The following FOXP2 variants were observed in gnomAD, a reference collection of about 807,000 sequenced individuals.
FOXP2 encodes the protein forkhead box protein P2.
In FOXP2, 12 loss-of-function variants were observed where a neutral mutation model predicts 115.8. The ratio of observed to expected loss-of-function variants is 0.10; its 90% CI spans 0.07 to 0.17. The LOEUF is 0.17. Among genes scored for constraint, FOXP2 ranks in the 10% least tolerant of loss-of-function variants. The pLI is 1.00. For synonymous variants in FOXP2, 328 were observed against 297.7 expected (o/e 1.10, Z -1.05); for missense variants, 629 against 843.5 (o/e 0.75, Z 3.15).
intron 2 of FOXP2, among the ~76,000 whole-genome samples, chr7:114,443,014 G>A (rs1302954715): frequency 2.6e-5 from 4 of 152,242 alleles, no homozygotes; most frequent in Admixed American, 2.0e-4. Context: ...GCAAAGAACT[G>A]CCTTTATGGT....
chr7:114,555,439 G>A (rs1453246884), intron 3 of FOXP2, among the ~76,000 whole-genome samples: 1 of 152,156 alleles, frequency 6.6e-6, no homozygotes, highest in African/African-American at 2.4e-5. Context: ...TATTACATGT[G>A]AATATTATCT....
intron 2 of FOXP2, among the ~76,000 whole-genome samples, chr7:114,335,573 T>TG (rs1394860435): frequency 6.6e-6 from 1 of 151,870 alleles, no homozygotes; most frequent in Non-Finnish European, 1.5e-5. Flanking sequence ...GTGGCAAATA[T>TG]GACCATTTGC....
chr7:114,202,691 G>GT, intron 1 of FOXP2, among the ~76,000 whole-genome samples: 1 of 152,244 alleles, frequency 6.6e-6, no homozygotes, highest in Admixed American at 6.5e-5. Flanking sequence ...ATGCCTTTGT[G>GT]CTAAGAGGTC....
At chr7:114,520,674 A>G (rs1798578942) in intron 2 of FOXP2, among the ~76,000 whole-genome samples, 1 of 152,150 alleles carries the variant, frequency 6.6e-6, no homozygotes, top group African/African-American at 2.4e-5. Flanking sequence ...ATAGATAGAC[A>G]GATATTAGAT....
intron 1 of FOXP2, among the ~76,000 whole-genome samples, chr7:114,220,737 A>G (rs1466545141): frequency 1.3e-5 from 2 of 152,218 alleles, no homozygotes; most frequent in Admixed American, 1.3e-4. Flanking sequence ...CTATTACCAT[A>G]TAATAATAGA....
Position 114,313,955 on chromosome 7 carries a change from G to C in FOXP2, c.-11+25846G>C, listed in dbSNP as rs541380003. Among the ~76,000 whole-genome samples, 487 of 151,686 alleles carry C rather than the reference G, an allele frequency of 3.2e-3. 4 individuals carry two copies. The highest frequency in any genetic ancestry group is 0.011 in the African/African-American group (468 of 41,440). On this transcript the variant is annotated intron_variant, in intron 2 of 17. Coordinates refer to the FOXP2 transcript ENST00000634411. ...AAACTGAAAGTCTGGCTCCATTAGT[G>C]GTTTATACATTAATTTAGTGGATTG...
intron 1 of FOXP2, among the ~76,000 whole-genome samples, chr7:114,091,559 C>T (rs545641214): frequency 1.3e-5 from 2 of 151,878 alleles, no homozygotes; most frequent in South Asian, 4.1e-4. Flanking sequence ...ATTTGCCTAC[C>T]AGCCAACTTA....
intron 1 of FOXP2, among the ~76,000 whole-genome samples, chr7:114,206,086 A>C (rs1363618064): frequency 1.3e-5 from 2 of 152,004 alleles, no homozygotes; most frequent in Admixed American, 1.3e-4. Context: ...GGTCCAAACC[A>C]CCCGTCTTTC....
intron 16 of FOXP2, among the ~76,000 whole-genome samples, chr7:114,672,358 G>T (rs964919478): frequency 6.6e-6 from 1 of 152,184 alleles, no homozygotes; most frequent in African/African-American, 2.4e-5. Context: ...GCCGAGGTGG[G>T]CAGATCACCT....
chr7:114,445,178 T>C (rs1466628231), intron 2 of FOXP2, among the ~76,000 whole-genome samples: 3 of 152,182 alleles, frequency 2.0e-5, no homozygotes, highest in Non-Finnish European at 4.4e-5. Flanking sequence ...GGGGATCAGA[T>C]ACTATTTATC....
At chr7:114,606,516 C>G (rs1563029525) in intron 3 of FOXP2, among the ~76,000 whole-genome samples, 1 of 152,162 alleles carries the variant, frequency 6.6e-6, no homozygotes, top group Non-Finnish European at 1.5e-5. Context: ...AGGTATGTCA[C>G]AATGAGAAAA....
intron 1 of FOXP2, among the ~76,000 whole-genome samples, chr7:114,121,641 A>G (rs1212385569): frequency 2.0e-5 from 3 of 152,124 alleles, no homozygotes; most frequent in African/African-American, 7.2e-5. Flanking sequence ...TGAATGTCAC[A>G]TAACTGAAAC....
At chr7:114,288,932 C>T (rs941917381) in intron 2 of FOXP2, among the ~76,000 whole-genome samples, 5 of 151,788 alleles carry the variant, frequency 3.3e-5, no homozygotes, top group African/African-American at 9.6e-5. Flanking sequence ...CCAAAATGCC[C>T]GGGCTTCTTC....
chr7:114,426,561 A>T lies in FOXP2; in HGVS notation c.50A>T (p.Gln17Leu), dbSNP rs201649896. ...TETISNSSMNQNGMSTLSSQL... is the reference protein window; with the variant it reads ...TETISNSSMNLNGMSTLSSQL... ...ACAATAAGCAACAGTTCAATGAATC[A>T]AAATGGAATGAGCACTCTAAGCAGC... Residue 17 changes from glutamine to leucine, a missense_variant, in exon 2 of 17, where the codon CAA becomes CTA. Gln to Leu is a moderately radical substitution (Grantham distance 113). Around this residue, in one of 9 missense-constraint regions of FOXP2, gnomAD observed 91 missense variants for 98.3 expected, o/e 0.93. Coordinates refer to ENST00000350908, the MANE Select transcript of FOXP2 (RefSeq NM_014491.4). 3.1e-4 allele frequency: 505 copies of T among 1,611,446 alleles called. 2 individuals are homozygous for T. Among genetic ancestry groups the T allele is most frequent in the Non-Finnish European group, 2.9e-4 (345 of 1,178,342 alleles).
At chr7:114,243,262 G>GAAAAAA (rs61609626) in intron 1 of FOXP2, among the ~76,000 whole-genome samples, 1 of 107,062 alleles carries the variant, frequency 9.3e-6, no homozygotes, top group Non-Finnish European at 2.0e-5. Context: ...CCATGAGCCA[G>GAAAAAA]AAAAAAAAAA....
At chr7:114,369,083 A>G (rs1166431730) in intron 2 of FOXP2, among the ~76,000 whole-genome samples, 1 of 152,186 alleles carries the variant, frequency 6.6e-6, no homozygotes, top group Non-Finnish European at 1.5e-5. Context: ...AAACTCAGCC[A>G]GGGTTGTCTA....
rs375386816 is a variant in FOXP2 at position 114,474,542 on chromosome 7, T to A, written c.168+47863T>A. Among the ~76,000 whole-genome samples the A allele has an allele frequency of 3.3e-5, 5 of 152,306 alleles. No individual in the cohort carries two copies. The East Asian group carries it at 9.6e-4, about 29-fold the overall frequency. ...AACTCAGGCTCTGATTTATTTTTAT[T>A]GATTTTAAATAAACTGAAGCTTACA... On this transcript the variant is annotated intron_variant, in intron 2 of 16. Transcript: ENST00000350908.
chr7:114,294,279 G>T (rs1465339233), intron 2 of FOXP2, among the ~76,000 whole-genome samples: 1 of 152,168 alleles, frequency 6.6e-6, no homozygotes, highest in Non-Finnish European at 1.5e-5. Context: ...TTGTAGAAGA[G>T]CTGCTTGGAA....
chr7:114,318,868 T>C (rs1051455951), intron 2 of FOXP2, among the ~76,000 whole-genome samples: 2 of 152,150 alleles, frequency 1.3e-5, no homozygotes, highest in Non-Finnish European at 2.9e-5. Flanking sequence ...GTAAGCCAAA[T>C]TGACTTCTGA....
Sources: allele counts gnomAD v4.1 joint callset (sites outside exome capture counted in the v4.1 genomes callset), GRCh38; gene constraint gnomAD v4.1.1; regional missense constraint gnomAD v4.1.1; transcripts MANE v1.5; gene names NCBI Gene and HGNC (gene_info 2026-07-23, HGNC 2026-07-21).